The following TMPRSS9 variants were observed in gnomAD, a reference collection of about 807,000 sequenced individuals.
TMPRSS9 encodes transmembrane serine protease 9.
In TMPRSS9, 113 loss-of-function variants were observed where a neutral mutation model predicts 111.4. The ratio of observed to expected loss-of-function variants is 1.01; its 90% CI spans 0.87 to 1.19. The LOEUF (loss-of-function observed/expected upper bound fraction) is 1.19, where lower values mean the gene tolerates loss of function less well. TMPRSS9 is among the 50% of genes most tolerant of loss of function. The pLI, the probability that TMPRSS9 is intolerant of heterozygous loss-of-function variation, is 0.00. For missense variants in TMPRSS9, 1,803 were observed against 1,513.1 expected, an observed-to-expected ratio of 1.19 and a Z score of -3.18; for synonymous variants, 805 against 659.1, an observed-to-expected ratio of 1.22 and a Z score of -3.39.
chr19:2,368,553 C>T (rs1286895887), intron 1 of TMPRSS9, among the ~76,000 whole-genome samples: 1 of 152,008 alleles, frequency 6.6e-6, no homozygotes, highest in East Asian at 1.9e-4. Flanking sequence ...GGTGGGATGT[C>T]ACCTGACGCG....
At chr19:2,403,834 A>G (rs1012537555) in intron 6 of TMPRSS9, among the ~76,000 whole-genome samples, 1 of 152,002 alleles carries the variant, frequency 6.6e-6, no homozygotes, top group Non-Finnish European at 1.5e-5. Context: ...TCTACTAAAA[A>G]TACAAAAAAT....
At chr19:2,418,284 TTTCC>T (rs1568189142) in intron 13 of TMPRSS9, 146 bp downstream of exon 14, 162 of 706,020 alleles carry the variant, frequency 2.3e-4, no homozygotes, top group Non-Finnish European at 2.9e-4. Context: ...CTCCTTTTCC[TTTCC>T]TCCTTTCCTT....
At chr19:2,408,579 C>T (rs1971022851) in exon 8 of TMPRSS9, 4 of 1,613,424 alleles carry the variant, frequency 2.5e-6, no homozygotes, top group Non-Finnish European at 3.4e-6. Flanking sequence ...CATCTTCCCA[C>T]CCAGCAAGAA....
In TMPRSS9 at chr19:2,418,116, AAGGCAAAGTCGACTCCTGCC is replaced by A. The variant is rs1282458051; in HGVS notation, c.2136_2154+1del. Reference sequence around the variant, plus strand: ...CGCATGATCTGCGCAGGCTTCCTGGAAGGCAAAGTCGACTCCTGCCAGGTAAGCATTCAAAGGGGGAAAGC... The same window carrying A: ...CGCATGATCTGCGCAGGCTTCCTGGAAGGTAAGCATTCAAAGGGGGAAAGC... On this transcript the variant is annotated frameshift_variant and splice_region_variant, in exon 13 of 18. Transcript: ENST00000648592. LOFTEE classifies it high-confidence loss of function. The A allele has an allele frequency of 3.1e-6, 5 of 1,611,924 alleles. No individual in the cohort carries two copies. The highest frequency in any genetic ancestry group is 4.2e-6 in the Non-Finnish European group (5 of 1,179,508).
At chr19:2,374,904 C>T (rs919298502) in intron 1 of TMPRSS9, among the ~76,000 whole-genome samples, 4 of 152,064 alleles carry the variant, frequency 2.6e-5, no homozygotes, top group Admixed American at 6.6e-5. Flanking sequence ...TCCTGCTCTC[C>T]GCTTCGGTTT....
At chr19:2,403,584 C>T (rs1329674412) in intron 6 of TMPRSS9, among the ~76,000 whole-genome samples, 6 of 151,764 alleles carry the variant, frequency 4.0e-5, no homozygotes, top group Admixed American at 3.3e-4. Flanking sequence ...TAGCAGGGTG[C>T]GGTGGCTCAC....
chr19:2,402,001 A>G (rs1043187354), exon 5 of TMPRSS9: 17 of 1,612,114 alleles, frequency 1.1e-5, no homozygotes, highest in Non-Finnish European at 1.4e-5. Flanking sequence ...CTTGGCAGAA[A>G]GAGACTTCAA....
At position 2,415,868 on chromosome 19, in the gene TMPRSS9, T is replaced by C. The variant is rs1971220363; in HGVS notation, c.1745+27T>C. ...TAAGGCCCGCCTCCTCCAGGAAGGC[T>C]GCCCGGCTTCCCCTCCTCACCAGCC... On this transcript the variant is annotated intron_variant, in intron 11 of 17. Transcript: ENST00000648592. The C allele has an allele frequency of 4.5e-6, 7 of 1,546,904 alleles. No homozygotes were observed. In the African/African-American group the frequency reaches 9.5e-5, roughly 21 times the overall value.
chr19:2,411,326 AAAAAAAAGAG>A (rs1971091132), intron 9 of TMPRSS9, among the ~76,000 whole-genome samples: 3 of 145,490 alleles, frequency 2.1e-5, no homozygotes, highest in Non-Finnish European at 1.5e-5. Flanking sequence ...AAAAAAAAAA[AAAAAAAAGAG>A]AAAATCAGGG....
chr19:2,425,933 GCTGGGGGACCC>G lies in TMPRSS9; in HGVS notation c.3132_3142del (p.Gly1045LeufsTer15). The stretch of plus-strand genomic sequence containing the variant: ...TTTCTTCTCTCCCCAACAGGGTGAC[GCTGGGGGACCC>G]CTGGCCTGCAGGGAGCCCTCTGGAC... On this transcript the variant is annotated frameshift_variant, in exon 18 of 18. Transcript: ENST00000648592. LOFTEE classifies it low-confidence loss of function (END_TRUNC). 1 of 1,594,640 alleles carries G rather than the reference GCTGGGGGACCC, an allele frequency of 6.3e-7. No homozygotes were observed. The highest frequency in any genetic ancestry group is 1.1e-5 in the South Asian group (1 of 88,942).
intron 1 of TMPRSS9, among the ~76,000 whole-genome samples, chr19:2,371,713 G>GA (rs367698324): frequency 0.021 from 2,751 of 130,670 alleles, 74 homozygotes; most frequent in African/African-American, 0.074. Flanking sequence ...ACAAAACCAA[G>GA]AAAAAAAAAA....
At chr19:2,404,228 C>T (rs1406168070) in intron 6 of TMPRSS9, among the ~76,000 whole-genome samples, 1 of 151,922 alleles carries the variant, frequency 6.6e-6, no homozygotes, top group Admixed American at 6.6e-5. Flanking sequence ...CTAGCCCATG[C>T]AATAAGGTAA....
At chr19:2,425,059 G>T in exon 16 of TMPRSS9, 1 of 1,568,668 alleles carries the variant, frequency 6.4e-7, no homozygotes, top group Non-Finnish European at 8.6e-7. Flanking sequence ...TGAGCGGCGC[G>T]GAGGGGCAGC....
At position 2,413,718 on chromosome 19, in the gene TMPRSS9, CT is replaced by C. The variant is rs763769447; in HGVS notation, c.1274del (p.Leu425ArgfsTer16). 8 of 1,610,974 alleles carry C rather than the reference CT, an allele frequency of 5.0e-6. No individual in the cohort carries two copies. The South Asian group carries it at 8.8e-5, about 18-fold the overall frequency. On this transcript the variant is annotated frameshift_variant, in exon 10 of 18. Coordinates refer to ENST00000648592, the Ensembl canonical transcript of TMPRSS9. LOFTEE classifies it high-confidence loss of function. ...TTCCTAGGGTGACTCAGGAGGACCC[CT>C]GGTCTGCGAGGAGCCCTCTGGCCGG...
chr19:2,378,617 C>T (rs1394131758), intron 1 of TMPRSS9, among the ~76,000 whole-genome samples: 1 of 152,184 alleles, frequency 6.6e-6, no homozygotes, highest in Non-Finnish European at 1.5e-5. Context: ...ACTTGGGAGG[C>T]TGAGGCAGAA....
chr19:2,420,574 G>T (rs1409427551), intron 13 of TMPRSS9, among the ~76,000 whole-genome samples: 1 of 152,118 alleles, frequency 6.6e-6, no homozygotes, highest in Non-Finnish European at 1.5e-5. Flanking sequence ...AAAGGAAGGT[G>T]GTAAATAACC....
chr19:2,372,017 G>A (rs1180737405), intron 1 of TMPRSS9, among the ~76,000 whole-genome samples: 1 of 152,130 alleles, frequency 6.6e-6, no homozygotes, highest in African/African-American at 2.4e-5. Flanking sequence ...GATTATAGGC[G>A]CCCGCCACCA....
At chr19:2,410,176 A>AGCT (rs1971064119) in intron 8 of TMPRSS9, 82 bp from the exon 10 acceptor site, 1 of 1,572,684 alleles carries the variant, frequency 6.4e-7, no homozygotes, top group Non-Finnish European at 8.7e-7. Context: ...CTTGGAGAGG[A>AGCT]GCTGTCCTTC....
chr19:2,420,305 G>A (rs1971433731), intron 13 of TMPRSS9, among the ~76,000 whole-genome samples: 1 of 152,072 alleles, frequency 6.6e-6, no homozygotes, highest in Admixed American at 6.6e-5. Flanking sequence ...AGCCAGGCAT[G>A]GTGGCGGGTG....
Sources: gnomAD v4.1 joint callset for allele counts (sites outside exome capture counted in the v4.1 genomes callset) on GRCh38, gnomAD v4.1.1 for gene constraint, MANE v1.5 for transcripts, NCBI Gene and HGNC (gene_info 2026-07-23, HGNC 2026-07-21) for gene names.